PEG3: variants seen among roughly 807,000 people sequenced by gnomAD.
The protein encoded by PEG3 is paternally expressed 3, also known as paternally-expressed gene 3 protein.
In PEG3, 23 loss-of-function variants were observed where a neutral mutation model predicts 35.5. The ratio of observed to expected loss-of-function variants is 0.65; its 90% CI spans 0.47 to 0.92. The LOEUF (loss-of-function observed/expected upper bound fraction) is 0.92. Among genes scored for constraint, PEG3 ranks in the 40% least tolerant of loss-of-function variants. The pLI is 0.00. For missense variants in PEG3, 1,960 were observed against 1,985.3 expected (o/e 0.99, Z 0.24); for synonymous variants, 707 against 697.0 (o/e 1.01, Z -0.23).
chr19:56,824,979 TG>T (rs2060880497), intron 3 of PEG3: 1 of 263,976 alleles, frequency 3.8e-6, no homozygotes, highest in Admixed American at 4.7e-5. Context: ...CTTGGGACTG[TG>T]GGCAACTTGT....
chr19:56,817,140 G>GAGGCTGCTC lies in PEG3; in HGVS notation c.1293_1301dup (p.Leu434_Ser436dup), dbSNP rs749578800. ...GTGACTCGGTAAAGGAGGGGGAGCT[G>GAGGCTGCTC]AGGCTGCTCAGGCTGCTCACGCTCA... On this transcript the variant is annotated inframe_insertion, in exon 10 of 10. Transcript: ENST00000326441. 12 of 1,614,200 alleles carry GAGGCTGCTC rather than the reference G, an allele frequency of 7.4e-6. No homozygotes were observed. Among genetic ancestry groups the GAGGCTGCTC allele is most frequent in the Admixed American group, 6.7e-5 (4 of 60,030 alleles).
intron 8 of PEG3, 139 bp downstream of exon 8, chr19:56,818,461 G>C: frequency 1.1e-6 from 1 of 933,184 alleles, no homozygotes; most frequent in African/African-American, 1.7e-5. Context: ...TCCCTCATTT[G>C]AAATCTTTCA....
In PEG3 at chr19:56,813,096, A is replaced by G. The variant is rs960943902; in HGVS notation, c.*579T>C. On this transcript the variant is annotated 3_prime_UTR_variant, in exon 10 of 10. Coordinates refer to ENST00000326441, the MANE Select transcript of PEG3 (RefSeq NM_006210.3). ...CTATTTAAGGGTAAGAAACAAAACAATTACTCAAAAAGATATTGACAGGGT... is the reference window on the plus strand; with the variant it reads ...CTATTTAAGGGTAAGAAACAAAACAGTTACTCAAAAAGATATTGACAGGGT... 1.3e-5 allele frequency: 13 copies of G among 984,966 alleles called. No homozygotes were observed. Among genetic ancestry groups the G allele is most frequent in the Admixed American group, 1.2e-4 (2 of 16,298 alleles). The allele number at this position is 984,966 out of a possible 1,614,324, so 61.0% of individuals were successfully genotyped here. A position where few individuals can be genotyped will look rare whatever the true frequency, so the allele number is the denominator to read the frequency against.
At chr19:56,831,820 A>G (rs2061593906) in intron 2 of PEG3, among the ~76,000 whole-genome samples, 1 of 152,230 alleles carries the variant, frequency 6.6e-6, no homozygotes. Flanking sequence ...CTATTAATAA[A>G]TCTTAAAATC....
intron 2 of PEG3, chr19:56,833,278 C>T (rs936707155): frequency 1.3e-5 from 6 of 451,112 alleles, no homozygotes; most frequent in South Asian, 6.4e-5. Flanking sequence ...CCCCCTAACT[C>T]GTTCTACCTA....
intron 3 of PEG3, among the ~76,000 whole-genome samples, chr19:56,825,937 T>A (rs944092514): frequency 5.9e-5 from 9 of 152,222 alleles, no homozygotes. Flanking sequence ...GTCTCAGTGA[T>A]GGGCTCCCAC....
rs894824482 is a variant in PEG3 at position 56,812,295 on chromosome 19, T to G, written c.*1380A>C. The G allele has an allele frequency of 4.6e-5, 45 of 981,398 alleles. No individual in the cohort carries two copies. The African/African-American group carries it at 6.8e-4, about 15-fold the overall frequency. The allele number at this position is 981,398 out of a possible 1,614,324, so 60.8% of individuals were successfully genotyped here. ...TTTGTAATTAAAAGAATACTAAGAT[T>G]AGATGAACACAACACTCAGAAATAC... On this transcript the variant is annotated 3_prime_UTR_variant, in exon 10 of 10. Coordinates refer to ENST00000326441, the MANE Select transcript of PEG3 (RefSeq NM_006210.3).
At position 56,814,472 on chromosome 19, in the gene PEG3, G is replaced by A; in HGVS notation, c.3970C>T (p.Pro1324Ser). The change falls in exon 10 of 10, where the codon CCC (proline) becomes TCC (serine). Residue 1324 changes from proline (P) to serine (S), a missense_variant. Transcript: ENST00000326441. This position sits in a 1 kb window ranked among gnomAD's most constrained non-coding sequence, Gnocchi z 5.8. ...TAGAATGGTATAGCTCCTTTGAGGG[G>A]CTCAGTAAGAAATGAGGTGTGAGTA... ...SYTHTSFLTE[P>S]LKGAIPFYEC... The A allele has an allele frequency of 6.2e-7, 1 of 1,613,232 alleles. No individual in the cohort carries two copies. The highest frequency in any genetic ancestry group is 8.5e-7 in the Non-Finnish European group (1 of 1,179,164).
chr19:56,815,328 T>A lies in PEG3; in HGVS notation c.3114A>T (p.Gln1038His). 6.2e-7 allele frequency: 1 copy of A among 1,614,188 alleles called. No homozygotes were observed. The highest frequency in any genetic ancestry group is 8.5e-7 in the Non-Finnish European group (1 of 1,180,026). Residue 1038 changes from glutamine (Q) to histidine (H), a missense_variant, in exon 10 of 10, where the codon CAA (glutamine) becomes CAT (histidine). By Grantham distance (24) the Gln-to-His change is conservative. Coordinates refer to ENST00000326441, the MANE Select transcript of PEG3 (RefSeq NM_006210.3). The part of the protein sequence containing the change: ...QARNKCKDFR[Q>H]FFATSEDLNT... ...TGAGGTCTTCGCTGGTAGCAAAAAA[T>A]TGTCTGAAGTCCTTACATTTGTTCC... is the stretch of plus-strand genomic sequence containing the variant.
In PEG3 at chr19:56,821,677, A is replaced by AGTCCCTGTC; in HGVS notation, c.634_642dup (p.Asp212_Asp214dup). 1 of 1,614,012 alleles carries AGTCCCTGTC rather than the reference A, an allele frequency of 6.2e-7. No individual in the cohort carries two copies. Among genetic ancestry groups the AGTCCCTGTC allele is most frequent in the Non-Finnish European group, 8.5e-7 (1 of 1,180,002 alleles). ...TGAGATCGGGACTCATAAGCCCTGG[A>AGTCCCTGTC]GTCCCTGTCGTCCTCTCTGTCCATT... On this transcript the variant is annotated inframe_insertion, in exon 7 of 10. Transcript: ENST00000326441.
Position 56,812,363 on chromosome 19 carries a change from A to G in PEG3, c.*1312T>C. 1 of 984,996 alleles carries G rather than the reference A, an allele frequency of 1.0e-6. No individual in the cohort carries two copies. The highest frequency in any genetic ancestry group is 1.2e-6 in the Non-Finnish European group (1 of 829,534). 61.0% of individuals were successfully genotyped at this position (984,996 alleles called of 1,614,324 possible). A position where few individuals can be genotyped will look rare whatever the true frequency, so the allele number is the denominator to read the frequency against. On this transcript the variant is annotated 3_prime_UTR_variant, in exon 10 of 10. Coordinates refer to ENST00000326441, the MANE Select transcript of PEG3 (RefSeq NM_006210.3). ...AGAAGGAACAGATGTTAACAAAACA[A>G]ATTAAGGCTGCTGGGGAACCTGAGT...
At chr19:56,821,876 TTCTCTG>T in intron 6 of PEG3, 122 bp from the exon 7 acceptor site, 1 of 1,010,830 alleles carries the variant, frequency 9.9e-7, no homozygotes, top group Non-Finnish European at 1.5e-6. Flanking sequence ...TGCCTTTCTC[TTCTCTG>T]CATTCTGTGG....
Position 56,816,800 on chromosome 19 carries a change from G to T in PEG3, c.1642C>A (p.Pro548Thr), listed in dbSNP as rs966323343. 1 of 1,614,064 alleles carries T rather than the reference G, an allele frequency of 6.2e-7. No individual in the cohort carries two copies. The highest frequency in any genetic ancestry group is 1.3e-5 in the African/African-American group (1 of 75,018). ...ATTTTCTGAAGCTCACTAAAGGTGG[G>T]GCTAGGCATGAAGGCTTCCTCACAT... is the stretch of plus-strand genomic sequence containing the variant. Reference protein sequence around the residue: ...QECEEAFMPSPTFSELQKIYG... With the variant: ...QECEEAFMPSTTFSELQKIYG... Residue 548 changes from proline to threonine, a missense_variant, in exon 10 of 10, where the codon CCC (proline) becomes ACC (threonine). By Grantham distance (38) the Pro-to-Thr change is conservative. Coordinates refer to ENST00000326441, the MANE Select transcript of PEG3 (RefSeq NM_006210.3).
intron 2 of PEG3, among the ~76,000 whole-genome samples, chr19:56,830,307 G>C (rs894424382): frequency 6.6e-6 from 1 of 152,180 alleles, no homozygotes; most frequent in Non-Finnish European, 1.5e-5. Flanking sequence ...AATACAAGGA[G>C]GATGTCCCAT....
chr19:56,826,688 C>T (rs1000892475), intron 2 of PEG3, among the ~76,000 whole-genome samples: 1 of 152,038 alleles, frequency 6.6e-6, no homozygotes, highest in African/African-American at 2.4e-5. Context: ...AAGTCAAAAA[C>T]GCAAGACAAA....
rs777580090 is a variant in PEG3 at position 56,815,683 on chromosome 19, C to T, written c.2759G>A (p.Gly920Asp). Reference sequence around the variant, plus strand: ...ATTTGAGCTGGGAACAGAGAATTCGCCATCCTTCTTAAACTCACCAGATCC... The same window carrying T: ...ATTTGAGCTGGGAACAGAGAATTCGTCATCCTTCTTAAACTCACCAGATCC... ...GEGSGEFKKD[G>D]EFSVPSSNVR... Residue 920 changes from glycine to aspartate, a missense_variant, in exon 10 of 10, where the codon GGC (glycine) becomes GAC (aspartate). Physicochemically the swap from Gly to Asp is moderately conservative, Grantham distance 94 (BLOSUM62 -1). Around this residue, in one of 5 missense-constraint regions of PEG3, gnomAD observed 798 missense variants for 782.4 expected, o/e 1.02. Transcript: ENST00000326441. The T allele has an allele frequency of 1.2e-6, 2 of 1,614,162 alleles. No individual in the cohort carries two copies. Among genetic ancestry groups the T allele is most frequent in the South Asian group, 2.2e-5 (2 of 91,076 alleles).
intron 1 of PEG3, among the ~76,000 whole-genome samples, chr19:56,840,191 T>C (rs1334521318): frequency 1.3e-5 from 2 of 152,198 alleles, no homozygotes; most frequent in Non-Finnish European, 2.9e-5. Flanking sequence ...TCGACCTTGC[T>C]GGACTTGCCG....
chr19:56,836,390 G>A (rs1246594424), intron 1 of PEG3, among the ~76,000 whole-genome samples: 1 of 152,156 alleles, frequency 6.6e-6, no homozygotes, highest in Non-Finnish European at 1.5e-5. Flanking sequence ...TCTAGATTAA[G>A]GAATCAATTC....
At position 56,829,212 on chromosome 19, in the gene PEG3, G is replaced by A. The variant is rs148257980; in HGVS notation, c.-162-2749C>T. 1.5e-3 allele frequency among the ~76,000 whole-genome samples: 227 copies of A among 152,068 alleles called. 1 individual carries two copies. Among genetic ancestry groups the A allele is most frequent in the African/African-American group, 5.2e-3 (217 of 41,508 alleles). ...CTAAAAATACAAAAATTAGCTGGGC[G>A]TGGTGGCAGTAATCCCAGCTACTCA... is the stretch of plus-strand genomic sequence containing the variant. On this transcript the variant is annotated intron_variant, in intron 2 of 9. Coordinates refer to ENST00000326441, the MANE Select transcript of PEG3 (RefSeq NM_006210.3).
Sources: gnomAD v4.1 joint callset for allele counts (sites outside exome capture counted in the v4.1 genomes callset) on GRCh38, gnomAD v4.1.1 for gene constraint, gnomAD v4.1.1 regional missense constraint, Gnocchi (gnomAD v3.1) non-coding constraint, MANE v1.5 for transcripts, NCBI Gene and HGNC (gene_info 2026-07-23, HGNC 2026-07-21) for gene names.